The following DIP2B variants were observed in gnomAD, a reference collection of about 807,000 sequenced individuals.
DIP2B encodes the protein disco-interacting protein 2 homolog B.
In DIP2B, 76 loss-of-function variants were observed where a neutral mutation model predicts 198.0. The observed-to-expected ratio is 0.38, with a 90% CI of 0.32 to 0.46. DIP2B has a LOEUF of 0.46. Ranked by LOEUF, DIP2B falls within the 20% of genes least tolerant of loss-of-function variation. The pLI, the probability that DIP2B is intolerant of heterozygous loss-of-function variation, is 0.99. For synonymous variants in DIP2B, 701 were observed against 739.1 expected (o/e 0.95, Z 0.84); for missense variants, 1,559 against 1,978.4 (o/e 0.79, Z 4.02).
intron 1 of DIP2B, among the ~76,000 whole-genome samples, chr12:50,519,711 T>C (rs981868204): frequency 1.3e-5 from 2 of 152,080 alleles, no homozygotes; most frequent in Admixed American, 6.6e-5. Context: ...TAGTCTTTTT[T>C]CCCCCAGGAT....
chr12:50,640,822 G>C lies in DIP2B; in HGVS notation c.271G>C (p.Gly91Arg). ...APSKYHRTRS[G>R]GARDERYRSD... ...CTCTAAGTACCACCGAACTCGATCT[G>C]GGGGAGCCAGGGATGAACGATATCG... is the stretch of plus-strand genomic sequence containing the variant. Residue 91 changes from glycine (G) to arginine (R), a missense_variant, in exon 3 of 38, where the codon GGG becomes CGG. Coordinates refer to ENST00000301180, the MANE Select transcript of DIP2B (RefSeq NM_173602.3). 1 of 1,613,872 alleles carries C rather than the reference G, an allele frequency of 6.2e-7. No individual in the cohort carries two copies. Among genetic ancestry groups the C allele is most frequent in the Non-Finnish European group, 8.5e-7 (1 of 1,179,832 alleles).
chr12:50,744,219 C>T (rs1381167861), intron 37 of DIP2B, among the ~76,000 whole-genome samples: 1 of 152,146 alleles, frequency 6.6e-6, no homozygotes, highest in East Asian at 1.9e-4. Flanking sequence ...CCAGGCTGGT[C>T]TCGAACTCCT....
chr12:50,721,281 T>C lies in DIP2B; in HGVS notation c.3051T>C (p.Thr1017=), dbSNP rs1939831643. Residue 1017 remains threonine, a synonymous_variant, in exon 26 of 38, where the codon ACT becomes ACC. Transcript: ENST00000301180. ...LFMLLNAKGT[T]VCTASCLQLH... ...CTTTCTGTTGTTTAAAGGGAACCACTGTATGCACAGCCAGCTGCCTTCAGC... is the reference window on the plus strand; with the variant it reads ...CTTTCTGTTGTTTAAAGGGAACCACCGTATGCACAGCCAGCTGCCTTCAGC... The C allele has an allele frequency of 1.2e-6, 2 of 1,614,104 alleles. No homozygotes were observed. The highest frequency in any genetic ancestry group is 1.1e-5 in the South Asian group (1 of 91,078).
At chr12:50,548,960 G>A (rs1322693711) in intron 1 of DIP2B, among the ~76,000 whole-genome samples, 1 of 152,200 alleles carries the variant, frequency 6.6e-6, no homozygotes, top group African/African-American at 2.4e-5. Context: ...AGTAATGTGT[G>A]TTCAGGTTTC....
chr12:50,643,417 G>T (rs1938295422), intron 3 of DIP2B, among the ~76,000 whole-genome samples: 1 of 142,978 alleles, frequency 7.0e-6, no homozygotes, highest in South Asian at 2.2e-4. Context: ...GTGTGTGTGT[G>T]TGTGTGTGTG....
chr12:50,563,800 T>A (rs2139400289), intron 1 of DIP2B, among the ~76,000 whole-genome samples: 1 of 79,258 alleles, frequency 1.3e-5, no homozygotes, highest in African/African-American at 3.7e-5. Flanking sequence ...CCAGCCTAAT[T>A]TTTTTTTTTT....
intron 23 of DIP2B, among the ~76,000 whole-genome samples, chr12:50,718,320 A>G (rs1250366503): frequency 6.6e-6 from 1 of 152,174 alleles, no homozygotes. Context: ...GGGTTCTATT[A>G]TGATTGGAGA....
intron 26 of DIP2B, among the ~76,000 whole-genome samples, chr12:50,722,227 T>C (rs1038961948): frequency 2.0e-5 from 3 of 150,088 alleles, no homozygotes; most frequent in African/African-American, 7.4e-5. Context: ...CATATTGTTC[T>C]GTGATTTTTT....
chr12:50,695,025 ATTGGAAGGATATCTG>A (rs1228272117), intron 14 of DIP2B, among the ~76,000 whole-genome samples: 2 of 152,174 alleles, frequency 1.3e-5, no homozygotes, highest in Non-Finnish European at 2.9e-5. Context: ...TTGAAAAAAG[ATTGGAAGGATATCTG>A]TCAAATTTGT....
At chr12:50,625,610 A>G (rs576200104) in intron 1 of DIP2B, among the ~76,000 whole-genome samples, 1 of 152,300 alleles carries the variant, frequency 6.6e-6, no homozygotes, top group African/African-American at 2.4e-5. Context: ...AGTTGTACTC[A>G]TTTGGTAAAT....
chr12:50,551,762 A>C (rs1958429298), intron 1 of DIP2B, among the ~76,000 whole-genome samples: 1 of 152,034 alleles, frequency 6.6e-6, no homozygotes. Flanking sequence ...TTCCTTTTTA[A>C]AGCTGAATAA....
intron 1 of DIP2B, among the ~76,000 whole-genome samples, chr12:50,611,594 C>A (rs1959032455): frequency 1.3e-5 from 2 of 152,126 alleles, no homozygotes; most frequent in African/African-American, 4.8e-5. Flanking sequence ...TGATCCAGAG[C>A]AGACCCAGTG....
chr12:50,687,395 C>T (rs1939149708), intron 12 of DIP2B, among the ~76,000 whole-genome samples: 1 of 152,216 alleles, frequency 6.6e-6, no homozygotes, highest in African/African-American at 2.4e-5. Flanking sequence ...GCCTTCACCA[C>T]TCTGCATCCT....
At chr12:50,514,785 G>A (rs1293332774) in intron 1 of DIP2B, among the ~76,000 whole-genome samples, 1 of 151,902 alleles carries the variant, frequency 6.6e-6, no homozygotes, top group Non-Finnish European at 1.5e-5. Flanking sequence ...AGCCTCTCAA[G>A]TAGCTGGGAC....
chr12:50,614,677 A>T (rs1937661967), intron 1 of DIP2B, among the ~76,000 whole-genome samples: 1 of 152,212 alleles, frequency 6.6e-6, no homozygotes, highest in Non-Finnish European at 1.5e-5. Context: ...GTATCAGATA[A>T]ATAGTTTGTA....
At chr12:50,518,188 C>T (rs1201098957) in intron 1 of DIP2B, among the ~76,000 whole-genome samples, 1 of 151,122 alleles carries the variant, frequency 6.6e-6, no homozygotes, top group African/African-American at 2.4e-5. Flanking sequence ...ATTTAGGAGT[C>T]ATGCTGAATT....
chr12:50,691,203 CTG>C (rs1592129859), intron 13 of DIP2B, 52 bp downstream of exon 13: 2 of 1,499,222 alleles, frequency 1.3e-6, no homozygotes, highest in Non-Finnish European at 1.9e-6. Context: ...AGATGTGTGA[CTG>C]TGAGCACAAT....
intron 1 of DIP2B, among the ~76,000 whole-genome samples, chr12:50,608,403 C>T (rs1311121552): frequency 1.3e-5 from 2 of 152,044 alleles, no homozygotes; most frequent in African/African-American, 4.8e-5. Context: ...AGTTGGATCA[C>T]ATGAGGCCAG....
At position 50,741,451 on chromosome 12, in the gene DIP2B, G is replaced by T; in HGVS notation, c.4390G>T (p.Asp1464Tyr). 1.2e-6 allele frequency: 2 copies of T among 1,614,146 alleles called. No homozygotes were observed. The highest frequency in any genetic ancestry group is 1.7e-6 in the Non-Finnish European group (2 of 1,180,024). Residue 1464 changes from aspartate (D) to tyrosine (Y), a missense_variant, in exon 37 of 38, where the codon GAT (aspartate) becomes TAT (tyrosine). Asp to Tyr is a radical substitution (Grantham distance 160). Coordinates refer to ENST00000301180, the MANE Select transcript of DIP2B (RefSeq NM_173602.3). ...TGCATTGTATGTGGTGGGAGCGCTG[G>T]ATGAAACACTGGAGCTGAGAGGATT... ...HDALYVVGAL[D>Y]ETLELRGLRY...
Sources: allele counts gnomAD v4.1 joint callset (sites outside exome capture counted in the v4.1 genomes callset), GRCh38; gene constraint gnomAD v4.1.1; transcripts MANE v1.5; gene names NCBI Gene and HGNC (gene_info 2026-07-23, HGNC 2026-07-21).